ESF1: variants seen among roughly 807,000 people sequenced by gnomAD.
ESF1 encodes the protein ESF1 homolog.
In ESF1, 58 loss-of-function variants were observed where a neutral mutation model predicts 92.0. That is an observed-to-expected ratio of 0.63 (90% CI 0.51 to 0.78). The LOEUF (loss-of-function observed/expected upper bound fraction) is 0.78. ESF1 is among the 30% of genes least tolerant of loss of function. The probability of loss-of-function intolerance (pLI) is 0.00; values close to 1 mark genes in which losing one functional copy is unlikely to be tolerated. For synonymous variants in ESF1, 321 were observed against 313.7 expected (o/e 1.02, Z -0.24); for missense variants, 922 against 989.1 (o/e 0.93, Z 0.91).
intron 11 of ESF1, among the ~76,000 whole-genome samples, chr20:13,721,470 G>C (rs1022046115): frequency 1.1e-4 from 16 of 152,156 alleles, no homozygotes; most frequent in African/African-American, 2.9e-4. Context: ...GTTAAGGAAG[G>C]CCTCTTCAAG....
Position 13,733,860 on chromosome 20 carries a change from T to A in ESF1, c.1829-18A>T. ...TTTAAGACCTGAGGAAAAATCCAAATAGTTTAGCTTAAAATGTCTTATTGT... is the reference window on the plus strand; with the variant it reads ...TTTAAGACCTGAGGAAAAATCCAAAAAGTTTAGCTTAAAATGTCTTATTGT... On this transcript the variant is annotated intron_variant, in intron 9 of 13. Coordinates refer to ENST00000617257, the MANE Select transcript of ESF1 (RefSeq NM_001276380.2). The A allele has an allele frequency of 3.2e-6, 5 of 1,587,020 alleles. No individual in the cohort carries two copies. The highest frequency in any genetic ancestry group is 2.4e-5 in the South Asian group (2 of 84,790).
chr20:13,781,752 G>A (rs1409680771), intron 2 of ESF1, among the ~76,000 whole-genome samples: 3 of 152,208 alleles, frequency 2.0e-5, no homozygotes, highest in South Asian at 2.1e-4. Context: ...GATGGGTGAC[G>A]ACGCCTTACT....
chr20:13,739,019 A>G (rs2049994093), intron 9 of ESF1, among the ~76,000 whole-genome samples: 1 of 152,230 alleles, frequency 6.6e-6, no homozygotes, highest in South Asian at 2.1e-4. Flanking sequence ...TAACACTATG[A>G]GAATAGTGTT....
chr20:13,716,831 T>G (rs2049831044), intron 13 of ESF1, among the ~76,000 whole-genome samples: 1 of 78,172 alleles, frequency 1.3e-5, no homozygotes, highest in African/African-American at 4.8e-5. Context: ...TTTTTTTTTT[T>G]TTTTTAGACA....
In ESF1 at chr20:13,782,842, T is replaced by C. The variant is rs1263753304; in HGVS notation, c.299A>G (p.Gln100Arg). The change falls in exon 2 of 14, where the codon CAG becomes CGG. Residue 100 changes from glutamine to arginine, a missense_variant. Gln to Arg is a conservative substitution (Grantham distance 43). Coordinates refer to ENST00000617257, the MANE Select transcript of ESF1 (RefSeq NM_001276380.2). The part of the protein sequence containing the change: ...SQKKIKKKKT[Q>R]TKKEIDSKNL... The stretch of plus-strand genomic sequence containing the variant: ...TTTTGAATCGATTTCTTTTTTAGTC[T>C]GGGTTTTTTTCTTCTTTATTTTCTT... 6 of 1,602,594 alleles carry C rather than the reference T, an allele frequency of 3.7e-6. No individual in the cohort carries two copies. In the African/African-American group the frequency reaches 6.8e-5, roughly 18 times the overall value.
intron 9 of ESF1, among the ~76,000 whole-genome samples, chr20:13,752,320 C>T (rs1052717029): frequency 1.5e-4 from 23 of 152,172 alleles, no homozygotes; most frequent in African/African-American, 4.8e-4. Context: ...TGTGTGACTT[C>T]GTACAAGTTA....
chr20:13,767,729 TG>T (rs1979493482), intron 7 of ESF1, among the ~76,000 whole-genome samples: 1 of 152,190 alleles, frequency 6.6e-6, no homozygotes, highest in Non-Finnish European at 1.5e-5. Context: ...TAAACCTCCA[TG>T]ATACATGAAT....
intron 8 of ESF1, among the ~76,000 whole-genome samples, chr20:13,760,499 T>A (rs1304694169): frequency 3.5e-5 from 5 of 144,500 alleles, no homozygotes; most frequent in African/African-American, 1.3e-4. Flanking sequence ...ATCTGAGAAG[T>A]GAGGAGACCC....
intron 11 of ESF1, among the ~76,000 whole-genome samples, chr20:13,724,209 C>G (rs1210399002): frequency 6.6e-6 from 1 of 152,146 alleles, no homozygotes; most frequent in African/African-American, 2.4e-5. Flanking sequence ...GCAGGAGAAT[C>G]GCTTGAACCC....
At chr20:13,772,921 C>T (rs1005970868) in intron 4 of ESF1, among the ~76,000 whole-genome samples, 4 of 152,060 alleles carry the variant, frequency 2.6e-5, no homozygotes, top group Non-Finnish European at 4.4e-5. Flanking sequence ...AAACAAGATG[C>T]TAAGCTCAAG....
At chr20:13,743,820 G>A (rs2050030827) in intron 9 of ESF1, among the ~76,000 whole-genome samples, 1 of 152,144 alleles carries the variant, frequency 6.6e-6, no homozygotes, top group Non-Finnish European at 1.5e-5. Context: ...TGATGGATGT[G>A]TTAATATCAC....
intron 9 of ESF1, among the ~76,000 whole-genome samples, chr20:13,745,839 G>A (rs1175748574): frequency 2.0e-5 from 3 of 152,098 alleles, no homozygotes; most frequent in African/African-American, 4.8e-5. Context: ...CTACAAAATA[G>A]ACTATTAGGA....
intron 8 of ESF1, among the ~76,000 whole-genome samples, chr20:13,764,075 T>G (rs1046306760): frequency 6.6e-6 from 1 of 152,188 alleles, no homozygotes; most frequent in Non-Finnish European, 1.5e-5. Context: ...ATTTAATTAA[T>G]TTGACATTTA....
chr20:13,728,365 T>G lies in ESF1; in HGVS notation c.2038+13A>C. ...AGATTCCAGTTGAAAACTACAGATA[T>G]GAGCTGGCTTACCTATTTGTTTAAC... On this transcript the variant is annotated intron_variant, in intron 11 of 13. Transcript: ENST00000617257. 5 of 1,594,010 alleles carry G rather than the reference T, an allele frequency of 3.1e-6. No homozygotes were observed. Among genetic ancestry groups the G allele is most frequent in the Non-Finnish European group, 4.3e-6 (5 of 1,168,766 alleles).
In ESF1 at chr20:13,761,414, A is replaced by T. The variant is rs200882328; in HGVS notation, c.1667-1561T>A. On this transcript the variant is annotated intron_variant, in intron 8 of 13. Coordinates refer to ENST00000617257, the MANE Select transcript of ESF1 (RefSeq NM_001276380.2). ...AAATAAAATAAAAATACAAAAAATT[A>T]AAAAAAAAAAAAAAGAAGATGGCAT... Among the ~76,000 whole-genome samples, 18 of 57,034 alleles carry T rather than the reference A, an allele frequency of 3.2e-4. No homozygotes were observed. In the East Asian group the frequency reaches 4.7e-3, roughly 15 times the overall value. 37.4% of individuals were successfully genotyped at this position (57,034 alleles called of 152,430 possible).
At chr20:13,756,087 A>G (rs946178761) in intron 9 of ESF1, among the ~76,000 whole-genome samples, 10 of 152,210 alleles carry the variant, frequency 6.6e-5, no homozygotes, top group Admixed American at 2.0e-4. Flanking sequence ...ATTTCTTAAG[A>G]CATAAATTCA....
At chr20:13,767,572 T>A (rs1252789960) in intron 7 of ESF1, among the ~76,000 whole-genome samples, 2 of 151,602 alleles carry the variant, frequency 1.3e-5, no homozygotes, top group Non-Finnish European at 2.9e-5. Flanking sequence ...AGTGAAAACA[T>A]GTTTTTTCAC....
intron 4 of ESF1, 75 bp downstream of exon 4, chr20:13,775,082 C>CAA (rs67609153): frequency 9.7e-4 from 711 of 731,986 alleles, no homozygotes; most frequent in African/African-American, 1.5e-3. Context: ...AAACTATGGC[C>CAA]AAAAAAAAAA....
chr20:13,718,418 G>T (rs1277456583), intron 12 of ESF1, among the ~76,000 whole-genome samples: 3 of 152,076 alleles, frequency 2.0e-5, no homozygotes, highest in African/African-American at 7.3e-5. Flanking sequence ...GGACATAGGG[G>T]GTCACTGAAG....
Sources: allele counts gnomAD v4.1 joint callset (sites outside exome capture counted in the v4.1 genomes callset), GRCh38; gene constraint gnomAD v4.1.1; transcripts MANE v1.5; gene names NCBI Gene and HGNC (gene_info 2026-07-23, HGNC 2026-07-21).